Variants in KLRD1 observed in about 807,000 individuals in gnomAD.
KLRD1 encodes the protein killer cell lectin like receptor D1, also known as natural killer cells antigen CD94.
KLRD1 carries 21 observed loss-of-function variants against 22.6 expected under a neutral mutation model. The observed-to-expected ratio is 0.93, with a 90% CI of 0.66 to 1.34. The LOEUF is 1.34. Ranked by LOEUF, KLRD1 falls within the 40% of genes most tolerant of loss-of-function variation. The pLI is 0.00. For synonymous variants in KLRD1, 59 were observed against 71.1 expected (o/e 0.83, Z 0.85); for missense variants, 183 against 208.6 (o/e 0.88, Z 0.76).
At chr12:10,253,184 A>G (rs1160404503) in intron 1 of KLRD1, among the ~76,000 whole-genome samples, 7 of 152,026 alleles carry the variant, frequency 4.6e-5, no homozygotes, top group Non-Finnish European at 1.0e-4. Context: ...AAACATTTCA[A>G]TTTCAGTATT....
chr12:10,247,860 G>A (rs544584418), intron 1 of KLRD1, among the ~76,000 whole-genome samples: 1 of 152,228 alleles, frequency 6.6e-6, no homozygotes, highest in South Asian at 2.1e-4. Flanking sequence ...CTTCTGCCAC[G>A]ATTGAGACCT....
chr12:10,250,641 A>G (rs1409032285), intron 1 of KLRD1, among the ~76,000 whole-genome samples: 1 of 151,910 alleles, frequency 6.6e-6, no homozygotes, highest in South Asian at 2.1e-4. Context: ...TATTTGTCCC[A>G]AAGTTTTCTG....
intron 1 of KLRD1, among the ~76,000 whole-genome samples, chr12:10,272,678 C>G (rs1949560541): frequency 6.6e-6 from 1 of 152,118 alleles, no homozygotes; most frequent in African/African-American, 2.4e-5. Flanking sequence ...GGGACCAAGG[C>G]AACAGAAGTC....
At chr12:10,307,090 G>A (rs1949943083), upstream of KLRD1, among the ~76,000 whole-genome samples, 1 of 152,044 alleles carries the variant, frequency 6.6e-6, no homozygotes, top group African/African-American at 2.4e-5. Context: ...TTCCACATTG[G>A]AAATTTGACC....
chr12:10,295,479 ACTTT>A (rs1025530020), intron 1 of KLRD1, among the ~76,000 whole-genome samples: 27 of 147,890 alleles, frequency 1.8e-4, no homozygotes, highest in Non-Finnish European at 3.6e-4. Flanking sequence ...AGAAGTCAAT[ACTTT>A]CTTAAGCCAG....
upstream of KLRD1, among the ~76,000 whole-genome samples, chr12:10,301,093 C>G (rs970661057): frequency 2.0e-5 from 3 of 152,144 alleles, no homozygotes; most frequent in African/African-American, 7.2e-5. Context: ...GGCCCCACCC[C>G]CAAATTTCAT....
chr12:10,268,151 CAGAG>C (rs1344631015), intron 1 of KLRD1, among the ~76,000 whole-genome samples: 1 of 152,106 alleles, frequency 6.6e-6, no homozygotes, highest in East Asian at 1.9e-4. Context: ...ATGGAGTAGA[CAGAG>C]AGGGAGATTA....
In KLRD1 at chr12:10,325,304, TTCA is replaced by T. The variant is rs1470752194; in HGVS notation, c.*10513_*10515del. ...ATTTCCCAGTTATAAACCTCAGTTG[TTCA>T]TGTTATCTTTTTTACGTATCTTTGC... On this transcript the variant is annotated 3_prime_UTR_variant, in exon 6 of 6. Coordinates refer to ENST00000336164, the MANE Select transcript of KLRD1 (RefSeq NM_002262.5). 1 of 152,174 alleles carries T rather than the reference TTCA, an allele frequency of 6.6e-6. No individual in the cohort carries two copies. Among genetic ancestry groups the T allele is most frequent in the Non-Finnish European group, 1.5e-5 (1 of 68,004 alleles). 9.4% of individuals were successfully genotyped at this position (152,174 alleles called of 1,614,324 possible).
At chr12:10,301,758 CTT>C (rs926069585), upstream of KLRD1, among the ~76,000 whole-genome samples, 2 of 152,196 alleles carry the variant, frequency 1.3e-5, no homozygotes, top group African/African-American at 2.4e-5. Flanking sequence ...TTGGCTAACT[CTT>C]TTGTGTAAGA....
intron 4 of KLRD1, 88 bp from the exon 5 acceptor site, chr12:10,313,322 T>C: frequency 1.5e-6 from 1 of 687,322 alleles, no homozygotes; most frequent in Non-Finnish European, 2.4e-6. Flanking sequence ...GGCTGAATCT[T>C]ATTCTAAACA....
chr12:10,284,327 A>T (rs1949679227), intron 1 of KLRD1, among the ~76,000 whole-genome samples: 1 of 152,228 alleles, frequency 6.6e-6, no homozygotes, highest in South Asian at 2.1e-4. Context: ...ATAAATTATC[A>T]GTATGAAACC....
chr12:10,272,790 TTTG>T (rs1310454905), intron 1 of KLRD1, among the ~76,000 whole-genome samples: 3 of 152,230 alleles, frequency 2.0e-5, no homozygotes, highest in East Asian at 1.9e-4. Flanking sequence ...ACAAATTAAA[TTTG>T]TTTTTTCTTT....
At chr12:10,260,144 GTATA>G (rs1565451200) in intron 1 of KLRD1, among the ~76,000 whole-genome samples, 1 of 151,056 alleles carries the variant, frequency 6.6e-6, no homozygotes, top group Non-Finnish European at 1.5e-5. Context: ...ATTCCCATCT[GTATA>G]ACTAAATGCT....
intron 1 of KLRD1, among the ~76,000 whole-genome samples, chr12:10,259,585 A>T (rs1054588781): frequency 6.6e-6 from 1 of 152,222 alleles, no homozygotes; most frequent in East Asian, 1.9e-4. Flanking sequence ...ATTGCTATTC[A>T]TTTAGACTTA....
At chr12:10,247,969 C>T (rs994222003) in intron 1 of KLRD1, among the ~76,000 whole-genome samples, 1 of 152,124 alleles carries the variant, frequency 6.6e-6, no homozygotes, top group African/African-American at 2.4e-5. Context: ...CGGACTAATA[C>T]ATATTGTTTT....
chr12:10,307,729 A>G (rs1247714877), upstream of KLRD1: 1 of 199,572 alleles, frequency 5.0e-6, no homozygotes, highest in Admixed American at 5.9e-5. Flanking sequence ...AATAAAAAAC[A>G]AAACAGCAAC....
At chr12:10,304,859 A>G (rs554174437), upstream of KLRD1, among the ~76,000 whole-genome samples, 6 of 152,328 alleles carry the variant, frequency 3.9e-5, no homozygotes, top group South Asian at 8.3e-4. Flanking sequence ...CATGTTTACA[A>G]TGAGATTTTA....
At chr12:10,261,858 C>A (rs962494263) in intron 1 of KLRD1, among the ~76,000 whole-genome samples, 1 of 152,066 alleles carries the variant, frequency 6.6e-6, no homozygotes, top group African/African-American at 2.4e-5. Context: ...AGTTAATGCC[C>A]ACAATCATTG....
intron 1 of KLRD1, among the ~76,000 whole-genome samples, chr12:10,290,415 A>AGGAATAATCAGAGGTAGAAGGAATTT (rs1949756778): frequency 6.6e-6 from 1 of 152,240 alleles, no homozygotes; most frequent in African/African-American, 2.4e-5. Context: ...CTTTAACTCT[A>AGGAATAATCAGAGGTAGAAGGAATTT]GGAATAATCA....
Sources: allele counts gnomAD v4.1 joint callset (sites outside exome capture counted in the v4.1 genomes callset), GRCh38; gene constraint gnomAD v4.1.1; transcripts MANE v1.5; gene names NCBI Gene and HGNC (gene_info 2026-07-23, HGNC 2026-07-21).